BCAS3: variants seen among roughly 807,000 people sequenced by gnomAD.
BCAS3 encodes BCAS3 microtubule associated cell migration factor, also known as BCAS4/BCAS3 fusion.
A neutral mutation model predicts 116.1 loss-of-function variants in BCAS3; 53 were observed. The observed-to-expected ratio is 0.46, with a 90% CI of 0.37 to 0.57. The LOEUF (loss-of-function observed/expected upper bound fraction) is 0.57. Ranked by LOEUF, BCAS3 falls within the 20% of genes least tolerant of loss-of-function variation. The probability of loss-of-function intolerance (pLI) is 0.00; values close to 1 mark genes in which losing one functional copy is unlikely to be tolerated. For synonymous variants in BCAS3, 391 were observed against 408.2 expected, an observed-to-expected ratio of 0.96 and a Z score of 0.51; for missense variants, 917 against 1,165.4, an observed-to-expected ratio of 0.79 and a Z score of 3.10.
At chr17:61,321,876 T>G (rs2055240975) in intron 22 of BCAS3, among the ~76,000 whole-genome samples, 1 of 152,128 alleles carries the variant, frequency 6.6e-6, no homozygotes, top group Non-Finnish European at 1.5e-5. Context: ...GAGCTTCAGC[T>G]TAGTTCCTTT....
At chr17:61,060,716 G>T (rs986702986) in intron 19 of BCAS3, among the ~76,000 whole-genome samples, 1 of 152,164 alleles carries the variant, frequency 6.6e-6, no homozygotes, top group Non-Finnish European at 1.5e-5. Flanking sequence ...AGTTGTATAA[G>T]GAATCTACCA....
chr17:61,327,603 G>A lies in BCAS3; in HGVS notation c.2426-40724G>A, dbSNP rs1346514741. On this transcript the variant is annotated intron_variant, in intron 22 of 23. Transcript: ENST00000407086. This position sits in a 1 kb window ranked among gnomAD's most constrained non-coding sequence, Gnocchi z 5.9. ...TGGCTTACTGCAACCTCCGCCTCCC[G>A]GGTTCAAGACATTCTCCTGCCTCAG... is the stretch of plus-strand genomic sequence containing the variant. Among the ~76,000 whole-genome samples the A allele has an allele frequency of 3.3e-5, 5 of 151,894 alleles. No individual in the cohort carries two copies. The East Asian group carries it at 5.8e-4, about 18-fold the overall frequency.
In BCAS3 at chr17:61,348,459, G is replaced by A. The variant is rs576852174; in HGVS notation, c.2426-19868G>A. ...TAGGTAGTACTGGGTATTTGTAAGCGTTAGAGTAGCTGAACTCACCCAAGA... is the reference window on the plus strand; with the variant it reads ...TAGGTAGTACTGGGTATTTGTAAGCATTAGAGTAGCTGAACTCACCCAAGA... On this transcript the variant is annotated intron_variant, in intron 22 of 23. Transcript: ENST00000407086. The surrounding 1 kb of genome is among the most constrained non-coding windows in gnomAD (Gnocchi z 4.5). Among the ~76,000 whole-genome samples the A allele has an allele frequency of 2.0e-5, 3 of 152,250 alleles. No homozygotes were observed. The highest frequency in any genetic ancestry group is 2.1e-4 in the South Asian group (1 of 4,820).
At chr17:60,707,238 C>G (rs977921971) in intron 4 of BCAS3, among the ~76,000 whole-genome samples, 1 of 152,068 alleles carries the variant, frequency 6.6e-6, no homozygotes, top group Non-Finnish European at 1.5e-5. Context: ...GGTGATCTGC[C>G]TGTCTCCGCC....
intron 22 of BCAS3, among the ~76,000 whole-genome samples, chr17:61,322,856 C>CAGAGAGAGAGAGACAGAGAGAGAG (rs2055404974): frequency 1.5e-4 from 9 of 60,502 alleles, no homozygotes; most frequent in Admixed American, 3.3e-4. Flanking sequence ...GAGAGAGAGA[C>CAGAGAGAGAGAGACAGAGAGAGAG]AGAGAGAGAG....
chr17:61,373,503 C>T (rs564986513), intron 23 of BCAS3, among the ~76,000 whole-genome samples: 2 of 151,464 alleles, frequency 1.3e-5, no homozygotes, highest in South Asian at 4.2e-4. Flanking sequence ...GATCTCGGCT[C>T]ACTGCAACCT....
chr17:61,176,159 A>G (rs923176325), intron 22 of BCAS3, among the ~76,000 whole-genome samples: 4 of 149,164 alleles, frequency 2.7e-5, no homozygotes, highest in African/African-American at 7.4e-5. Context: ...AAAAAAAAAA[A>G]AAGAAAAAGA....
chr17:60,702,713 C>T (rs1180264283), intron 4 of BCAS3, among the ~76,000 whole-genome samples: 1 of 152,108 alleles, frequency 6.6e-6, no homozygotes, highest in African/African-American at 2.4e-5. Flanking sequence ...CCTCAGCCTC[C>T]GAAGTAACTG....
intron 19 of BCAS3, among the ~76,000 whole-genome samples, chr17:61,058,403 T>A (rs2069612330): frequency 6.6e-6 from 1 of 152,166 alleles, no homozygotes; most frequent in Admixed American, 6.5e-5. Flanking sequence ...AACAACCCTA[T>A]ATGATGTGAA....
rs747886823 is a variant in BCAS3, at chr17:61,388,367, C to T, written c.2594-3610C>T. On this transcript the variant is annotated intron_variant, in intron 23 of 23. Transcript: ENST00000407086. The surrounding 1 kb of genome is among the most constrained non-coding windows in gnomAD (Gnocchi z 6.5). ...ATGTTGAACCTGTGACTCCTCTCCC[C>T]CTCCCCCACTCTGAACGGGGTCTTG... The T allele has an allele frequency of 4.8e-5, 22 of 457,118 alleles. No individual in the cohort carries two copies. Among genetic ancestry groups the T allele is most frequent in the Non-Finnish European group, 7.9e-5 (20 of 253,870 alleles). 28.3% of individuals were successfully genotyped at this position (457,118 alleles called of 1,614,324 possible). A position where few individuals can be genotyped will look rare whatever the true frequency, so the allele number is the denominator to read the frequency against.
rs1184684879 is a variant in BCAS3, at chr17:61,241,845, T to C, written c.2426-126482T>C. Among the ~76,000 whole-genome samples, 3 of 152,264 alleles carry C rather than the reference T, an allele frequency of 2.0e-5. No individual in the cohort carries two copies. The highest frequency in any genetic ancestry group is 4.8e-5 in the African/African-American group (2 of 41,476). On this transcript the variant is annotated intron_variant, in intron 22 of 23. Coordinates refer to ENST00000407086, the MANE Select transcript of BCAS3 (RefSeq NM_017679.5). The surrounding 1 kb of genome is among the most constrained non-coding windows in gnomAD (Gnocchi z 4.6). ...TTTTGTTGAATAAATGTTAAATGTT[T>C]CTGAGAAATCTGAGAGCTTTCATAA...
chr17:61,137,854 G>T (rs1217473926), intron 22 of BCAS3, among the ~76,000 whole-genome samples: 1 of 152,194 alleles, frequency 6.6e-6, no homozygotes, highest in African/African-American at 2.4e-5. Flanking sequence ...TTTTTGTTTT[G>T]TGGGAGTTGT....
rs1427289403 is a variant in BCAS3, at chr17:60,995,849, A to G, written c.1486+5614A>G. ...AACATGTCTGTGTTCCCATGGAGCC[A>G]CAGAGAAAAATGAGGGAAGGGGAAT... is the stretch of plus-strand genomic sequence containing the variant. On this transcript the variant is annotated intron_variant, in intron 15 of 23. Transcript: ENST00000407086. The surrounding 1 kb of genome is among the most constrained non-coding windows in gnomAD (Gnocchi z 4.7). 6.6e-6 allele frequency among the ~76,000 whole-genome samples: 1 copy of G among 152,208 alleles called. No individual in the cohort carries two copies. The highest frequency in any genetic ancestry group is 1.9e-4 in the East Asian group (1 of 5,190).
intron 7 of BCAS3, among the ~76,000 whole-genome samples, chr17:60,867,232 A>G (rs1029643411): frequency 2.0e-5 from 3 of 151,720 alleles, no homozygotes; most frequent in Non-Finnish European, 4.4e-5. Flanking sequence ...CAGCCTCTCA[A>G]GTAGTTGGGA....
rs544257655 is a variant in BCAS3, at chr17:60,726,788, C to T, written c.321+17463C>T. Among the ~76,000 whole-genome samples, 8 of 152,216 alleles carry T rather than the reference C, an allele frequency of 5.3e-5. No individual in the cohort carries two copies. In the East Asian group the frequency reaches 7.7e-4, roughly 15 times the overall value. ...CCTCCCAGAGTGCTGGAATTACAGG[C>T]GTGAGCCACTGCTACTGGCCAAGAG... On this transcript the variant is annotated intron_variant, in intron 5 of 23. Transcript: ENST00000407086.
intron 22 of BCAS3, among the ~76,000 whole-genome samples, chr17:61,178,643 A>G (rs565914550): frequency 1.3e-5 from 2 of 152,240 alleles, no homozygotes; most frequent in African/African-American, 4.8e-5. Context: ...CAATGTTACA[A>G]TACAAATGTA....
At chr17:60,841,466 G>C (rs2051899955) in intron 7 of BCAS3, among the ~76,000 whole-genome samples, 1 of 147,862 alleles carries the variant, frequency 6.8e-6, no homozygotes. Flanking sequence ...TGCAAGCTCT[G>C]CCTCCTGGGT....
chr17:60,714,705 C>T (rs1175774817), intron 5 of BCAS3, among the ~76,000 whole-genome samples: 1 of 152,094 alleles, frequency 6.6e-6, no homozygotes, highest in African/African-American at 2.4e-5. Flanking sequence ...TAAGCATATC[C>T]TGGTTAAACA....
chr17:60,940,303 A>G (rs2060158848), intron 13 of BCAS3, among the ~76,000 whole-genome samples: 1 of 152,210 alleles, frequency 6.6e-6, no homozygotes, highest in Non-Finnish European at 1.5e-5. Context: ...ACAGAGTGTT[A>G]TGTAGCAAAT....
Sources: gnomAD v4.1 joint callset for allele counts (sites outside exome capture counted in the v4.1 genomes callset) on GRCh38, gnomAD v4.1.1 for gene constraint, Gnocchi (gnomAD v3.1) non-coding constraint, MANE v1.5 for transcripts, NCBI Gene and HGNC (gene_info 2026-07-23, HGNC 2026-07-21) for gene names.